MARK2: variants seen among roughly 807,000 people sequenced by gnomAD.
MARK2 encodes the protein serine/threonine-protein kinase MARK2.
MARK2 carries 16 observed loss-of-function variants against 89.8 expected under a neutral mutation model. That is an observed-to-expected ratio of 0.18 (90% confidence interval 0.12 to 0.27). The LOEUF is 0.27. Among genes scored for constraint, MARK2 ranks in the 10% least tolerant of loss-of-function variants. The pLI, the probability that MARK2 is intolerant of heterozygous loss-of-function variation, is 1.00. For missense variants in MARK2, 621 were observed against 1,049.9 expected, an observed-to-expected ratio of 0.59 and a Z score of 5.65; for synonymous variants, 382 against 399.5, an observed-to-expected ratio of 0.96 and a Z score of 0.52.
rs1370465519 is a variant in MARK2 at position 63,903,192 on chromosome 11, T to A, written c.1514+34T>A. 6.6e-7 allele frequency: 1 copy of A among 1,507,226 alleles called. No homozygotes were observed. The allele number at this position is 1,507,226 out of a possible 1,614,324, so 93.4% of individuals were successfully genotyped here. On this transcript the variant is annotated intron_variant, in intron 14 of 18. Transcript: ENST00000402010. The surrounding 1 kb of genome is among the most constrained non-coding windows in gnomAD (Gnocchi z 5.1). ...CCCGGGCCCTGCCTGCCTCACTCCCTAGGAGCCATGTCTCACAGGGTGATG... is the reference window on the plus strand; with the variant it reads ...CCCGGGCCCTGCCTGCCTCACTCCCAAGGAGCCATGTCTCACAGGGTGATG...
chr11:63,876,509 C>G (rs577389910), intron 1 of MARK2, among the ~76,000 whole-genome samples: 1 of 152,218 alleles, frequency 6.6e-6, no homozygotes, highest in Non-Finnish European at 1.5e-5. Flanking sequence ...CTGTGGGGTT[C>G]TTTGTCCTTG....
intron 1 of MARK2, among the ~76,000 whole-genome samples, chr11:63,848,237 C>T (rs781242788): frequency 7.2e-5 from 11 of 152,212 alleles, no homozygotes; most frequent in Non-Finnish European, 1.0e-4. Context: ...GACAGAGCTC[C>T]AGCCTAGACC....
intron 1 of MARK2, chr11:63,869,127 T>G (rs1056077616): frequency 6.1e-6 from 2 of 325,778 alleles, no homozygotes; most frequent in African/African-American, 2.2e-5. Flanking sequence ...ATTGAACTGG[T>G]GAAGAAGGCA....
At chr11:63,888,543 C>G in intron 1 of MARK2, 2 of 1,026,928 alleles carry the variant, frequency 1.9e-6, no homozygotes, top group Non-Finnish European at 2.3e-6. Flanking sequence ...CTTTCTCTGT[C>G]TCCCTTCCTG....
rs111553771 is a variant in MARK2, at chr11:63,862,361, T to G, written c.54+22801T>G. On this transcript the variant is annotated intron_variant, in intron 1 of 18. Coordinates refer to ENST00000402010, the MANE Select transcript of MARK2 (RefSeq NM_001039469.3). Reference sequence around the variant, plus strand: ...TGTCATTGTCAGAACCAGCTTTTCTTGGTTGTGAAGAATCCTTTGTCCCTG... The same window carrying G: ...TGTCATTGTCAGAACCAGCTTTTCTGGGTTGTGAAGAATCCTTTGTCCCTG... Among the ~76,000 whole-genome samples the G allele has an allele frequency of 2.5e-3, 381 of 152,340 alleles. 1 individual carries two copies. The highest frequency in any genetic ancestry group is 8.6e-3 in the African/African-American group (357 of 41,576).
chr11:63,888,751 C>A, intron 1 of MARK2: 2 of 1,210,944 alleles, frequency 1.7e-6, no homozygotes, highest in Middle Eastern at 3.7e-4. Context: ...AGGCAGGAAC[C>A]GCTCGGCCTG....
Position 63,885,076 on chromosome 11 carries a change from G to T in MARK2, c.55-10083G>T, listed in dbSNP as rs116669201. 8.1e-3 allele frequency among the ~76,000 whole-genome samples: 1,240 copies of T among 152,282 alleles called. 22 individuals are homozygous for T. The highest frequency in any genetic ancestry group is 0.029 in the African/African-American group (1,193 of 41,546). ...AAATTAGCCGGGCTTGGTGGCCCAT[G>T]CCTGTAGCCCCAGGTATTCAAGAGG... On this transcript the variant is annotated intron_variant, in intron 1 of 18. Coordinates refer to ENST00000402010, the MANE Select transcript of MARK2 (RefSeq NM_001039469.3).
chr11:63,894,636 C>T (rs536028620), intron 1 of MARK2, among the ~76,000 whole-genome samples: 14 of 152,212 alleles, frequency 9.2e-5, no homozygotes, highest in Middle Eastern at 3.4e-3. Flanking sequence ...GTGGAGGTTG[C>T]GGTGAGCTGA....
intron 1 of MARK2, among the ~76,000 whole-genome samples, chr11:63,881,555 GTGGGCACTGT>G (rs1939092039): frequency 6.6e-6 from 1 of 152,200 alleles, no homozygotes; most frequent in Non-Finnish European, 1.5e-5. Flanking sequence ...TCAGCTAGGT[GTGGGCACTGT>G]TGGGCACTGA....
intron 16 of MARK2, 57 bp downstream of exon 16, chr11:63,905,100 C>A: frequency 1.8e-5 from 8 of 446,114 alleles, no homozygotes; most frequent in Admixed American, 2.3e-5. Context: ...CTGCTTTACT[C>A]GGGGTGGGTT....
At chr11:63,876,477 C>G (rs1486517476) in intron 1 of MARK2, among the ~76,000 whole-genome samples, 1 of 152,202 alleles carries the variant, frequency 6.6e-6, no homozygotes, top group Non-Finnish European at 1.5e-5. Flanking sequence ...GTTTTCAAGA[C>G]TTGGTAGGGA....
intron 1 of MARK2, among the ~76,000 whole-genome samples, chr11:63,847,818 T>C (rs1335553581): frequency 6.6e-6 from 1 of 152,180 alleles, no homozygotes; most frequent in African/African-American, 2.4e-5. Flanking sequence ...TGAAAGACCC[T>C]CAGCCTAGCC....
In MARK2 at chr11:63,906,225, AC is replaced by A. The variant is rs1005335920; in HGVS notation, c.1961+113del. 2.4e-6 allele frequency: 3 copies of A among 1,226,096 alleles called. No homozygotes were observed. The African/African-American group carries it at 4.7e-5, about 19-fold the overall frequency. 76.0% of individuals were successfully genotyped at this position (1,226,096 alleles called of 1,614,324 possible). On this transcript the variant is annotated intron_variant, in intron 17 of 18. Transcript: ENST00000402010. Reference sequence around the variant, plus strand: ...GCTCTTACTCTCCTCCATCTGCTTAACCAAGTCTGTGTGGCCCTCCTCTCTC... The same window carrying A: ...GCTCTTACTCTCCTCCATCTGCTTAACAAGTCTGTGTGGCCCTCCTCTCTC...
At chr11:63,848,976 A>G (rs2016422854) in intron 1 of MARK2, among the ~76,000 whole-genome samples, 1 of 151,182 alleles carries the variant, frequency 6.6e-6, no homozygotes, top group Non-Finnish European at 1.5e-5. Context: ...CAAAGTGCTG[A>G]GATTGCAGGC....
At position 63,902,490 on chromosome 11, in the gene MARK2, GA is replaced by G; in HGVS notation, c.1235-109del. Reference sequence around the variant, plus strand: ...CCACTTCCCTTCCCTCGCCTCTGTGGAATGGGGGCTTGCTGGGTTGTTGGCC... The same window carrying G: ...CCACTTCCCTTCCCTCGCCTCTGTGGATGGGGGCTTGCTGGGTTGTTGGCC... On this transcript the variant is annotated intron_variant, in intron 12 of 18. Coordinates refer to ENST00000402010, the MANE Select transcript of MARK2 (RefSeq NM_001039469.3). This position sits in a 1 kb window ranked among gnomAD's most constrained non-coding sequence, Gnocchi z 4.2. 7.2e-7 allele frequency: 1 copy of G among 1,384,520 alleles called. No homozygotes were observed. Among genetic ancestry groups the G allele is most frequent in the Non-Finnish European group, 1.0e-6 (1 of 997,224 alleles). 85.8% of individuals were successfully genotyped at this position (1,384,520 alleles called of 1,614,324 possible).
chr11:63,886,190 G>T (rs12277481), intron 1 of MARK2, among the ~76,000 whole-genome samples: 74,165 of 151,034 alleles, frequency 0.49, 20,136 homozygotes, highest in East Asian at 0.89. Flanking sequence ...GCAGTGGCAC[G>T]ATCATAGCTC....
chr11:63,855,430 G>A (rs370517682), intron 1 of MARK2, among the ~76,000 whole-genome samples: 1 of 105,392 alleles, frequency 9.5e-6, no homozygotes, highest in African/African-American at 3.3e-5. Flanking sequence ...AGGCTGAGGC[G>A]AGAAGATCTC....
At chr11:63,849,481 G>A (rs1401068850) in intron 1 of MARK2, among the ~76,000 whole-genome samples, 2 of 152,166 alleles carry the variant, frequency 1.3e-5, no homozygotes, top group Non-Finnish European at 2.9e-5. Flanking sequence ...GGCCGGGCGC[G>A]GTGGCTCATG....
At chr11:63,885,131 T>G (rs1939316831) in intron 1 of MARK2, among the ~76,000 whole-genome samples, 1 of 152,010 alleles carries the variant, frequency 6.6e-6, no homozygotes, top group African/African-American at 2.4e-5. Flanking sequence ...AGGCGAAGAT[T>G]GCAGTGAGCC....
Sources: allele counts gnomAD v4.1 joint callset (sites outside exome capture counted in the v4.1 genomes callset), GRCh38; gene constraint gnomAD v4.1.1; non-coding constraint Gnocchi (gnomAD v3.1); transcripts MANE v1.5; gene names NCBI Gene and HGNC (gene_info 2026-07-23, HGNC 2026-07-21).